Variants in PRKG1 observed in about 807,000 individuals in gnomAD.
PRKG1 encodes cGMP-dependent protein kinase 1.
Under a neutral mutation model 88.1 loss-of-function variants are expected in PRKG1, and 35 were observed. The ratio of observed to expected loss-of-function variants is 0.40; its 90% CI spans 0.30 to 0.53. The LOEUF (loss-of-function observed/expected upper bound fraction) is 0.53. PRKG1 is among the 20% of genes least tolerant of loss of function. The pLI, the probability that PRKG1 is intolerant of heterozygous loss-of-function variation, is 0.59. For synonymous variants in PRKG1, 303 were observed against 292.5 expected (o/e 1.04, Z -0.37); for missense variants, 540 against 839.8 (o/e 0.64, Z 4.41).
chr10:51,192,753 G>A (rs781496947), intron 2 of PRKG1, among the ~76,000 whole-genome samples: 4 of 151,990 alleles, frequency 2.6e-5, no homozygotes, highest in Admixed American at 6.6e-5. Flanking sequence ...AAAAATTGTG[G>A]TCTTGGAAAA....
chr10:52,060,146 G>T (rs143911375), intron 6 of PRKG1, among the ~76,000 whole-genome samples: 1 of 151,912 alleles, frequency 6.6e-6, no homozygotes, highest in East Asian at 1.9e-4. Flanking sequence ...TGATAATATG[G>T]AAACTTGATT....
chr10:52,259,451 T>C (rs1841383623), intron 10 of PRKG1, among the ~76,000 whole-genome samples: 1 of 152,128 alleles, frequency 6.6e-6, no homozygotes, highest in African/African-American at 2.4e-5. Flanking sequence ...TGAAATAATT[T>C]ATCTTGCTTT....
rs542522141 is a variant in PRKG1, at chr10:51,888,931, C to T, written c.699-18576C>T. On this transcript the variant is annotated intron_variant, in intron 4 of 17. Transcript: ENST00000373980. ...AGAGGTAAATTAACTTATTTAATGT[C>T]ACATAGTTACAAAGTAACGTGACTG... Among the ~76,000 whole-genome samples the T allele has an allele frequency of 1.6e-4, 24 of 152,216 alleles. 1 individual carries two copies. The South Asian group carries it at 2.1e-3, about 13-fold the overall frequency.
At chr10:51,637,500 A>T (rs1839686694) in intron 3 of PRKG1, among the ~76,000 whole-genome samples, 1 of 152,240 alleles carries the variant, frequency 6.6e-6, no homozygotes, top group East Asian at 1.9e-4. Flanking sequence ...TCACAATAAC[A>T]AAGATGTAGA....
At chr10:51,767,570 C>A (rs1366963265) in intron 3 of PRKG1, among the ~76,000 whole-genome samples, 2 of 152,130 alleles carry the variant, frequency 1.3e-5, no homozygotes, top group Non-Finnish European at 2.9e-5. Context: ...TCAGGACAGA[C>A]TGCTGCTCAC....
intron 3 of PRKG1, among the ~76,000 whole-genome samples, chr10:51,565,223 A>G (rs1164658549): frequency 6.6e-6 from 1 of 151,114 alleles, no homozygotes; most frequent in Non-Finnish European, 1.5e-5. Flanking sequence ...CTAAAACCCT[A>G]AAGGATTCAC....
chr10:51,399,487 TATTTGTC>T (rs1837674521), intron 2 of PRKG1, among the ~76,000 whole-genome samples: 1 of 152,178 alleles, frequency 6.6e-6, no homozygotes, highest in South Asian at 2.1e-4. Flanking sequence ...TTATAGGGAA[TATTTGTC>T]ATTTGGAGAA....
chr10:51,688,175 T>C (rs1841042652), intron 3 of PRKG1, among the ~76,000 whole-genome samples: 1 of 152,200 alleles, frequency 6.6e-6, no homozygotes, highest in Admixed American at 6.5e-5. Flanking sequence ...TTTTCAAACA[T>C]TTATTTGCAT....
intron 2 of PRKG1, among the ~76,000 whole-genome samples, chr10:51,374,833 G>A (rs1489181442): frequency 6.6e-6 from 1 of 152,220 alleles, no homozygotes; most frequent in African/African-American, 2.4e-5. Flanking sequence ...CTAAGCTCAC[G>A]TGAGTGTTGG....
At chr10:51,555,368 C>T (rs1837283732) in intron 3 of PRKG1, among the ~76,000 whole-genome samples, 1 of 151,646 alleles carries the variant, frequency 6.6e-6, no homozygotes, top group Non-Finnish European at 1.5e-5. Context: ...AATTTTATTG[C>T]TTGGGGATGC....
chr10:52,282,058 A>T, intron 13 of PRKG1, 95 bp from the exon 14 acceptor site: 1 of 1,214,386 alleles, frequency 8.2e-7, no homozygotes, highest in Non-Finnish European at 1.1e-6. Flanking sequence ...ACATGTTTTT[A>T]AATTATTATC....
In PRKG1 at chr10:51,283,904, C is replaced by G. The variant is rs976414799; in HGVS notation, c.478+130574C>G. 1.5e-4 allele frequency among the ~76,000 whole-genome samples: 23 copies of G among 152,238 alleles called. 1 individual carries two copies. Among genetic ancestry groups the G allele is most frequent in the African/African-American group, 4.3e-4 (18 of 41,538 alleles). On this transcript the variant is annotated intron_variant, in intron 2 of 17. Coordinates refer to ENST00000373980, the MANE Select transcript of PRKG1 (RefSeq NM_006258.4). Reference sequence around the variant, plus strand: ...AAATATTTATGCTATAAATGTGAATCTAACTGATTTTAAGTAGTCAATAAA... The same window carrying G: ...AAATATTTATGCTATAAATGTGAATGTAACTGATTTTAAGTAGTCAATAAA...
chr10:51,634,728 G>A (rs1839612927), intron 3 of PRKG1, among the ~76,000 whole-genome samples: 1 of 152,004 alleles, frequency 6.6e-6, no homozygotes, highest in Non-Finnish European at 1.5e-5. Context: ...AGAATACCTG[G>A]TAATTTCATG....
chr10:51,179,946 G>A (rs1837301578), intron 2 of PRKG1, among the ~76,000 whole-genome samples: 1 of 152,056 alleles, frequency 6.6e-6, no homozygotes, highest in Non-Finnish European at 1.5e-5. Context: ...AAGTTTTTAA[G>A]GACATTGCCT....
At chr10:51,546,737 C>T (rs1313862437) in intron 3 of PRKG1, among the ~76,000 whole-genome samples, 1 of 152,044 alleles carries the variant, frequency 6.6e-6, no homozygotes, top group Non-Finnish European at 1.5e-5. Flanking sequence ...ACAGAAATCT[C>T]ATCCTACTTA....
chr10:52,197,859 T>C (rs916485556), intron 9 of PRKG1, among the ~76,000 whole-genome samples: 8 of 152,206 alleles, frequency 5.3e-5, no homozygotes, highest in African/African-American at 1.7e-4. Flanking sequence ...ACAAAACTTC[T>C]TCCTGCTAGT....
intron 5 of PRKG1, among the ~76,000 whole-genome samples, chr10:52,039,220 AG>A (rs1845694729): frequency 6.6e-6 from 1 of 152,120 alleles, no homozygotes; most frequent in Non-Finnish European, 1.5e-5. Flanking sequence ...GAGTCGGTGA[AG>A]GGAGATAGGG....
intron 2 of PRKG1, among the ~76,000 whole-genome samples, chr10:51,241,035 A>G (rs755354392): frequency 6.6e-6 from 1 of 152,102 alleles, no homozygotes; most frequent in Non-Finnish European, 1.5e-5. Flanking sequence ...GGTGCTTACT[A>G]TGTGTTTATT....
At chr10:51,032,685 G>A (rs951063254) in intron 1 of PRKG1, among the ~76,000 whole-genome samples, 1 of 152,100 alleles carries the variant, frequency 6.6e-6, no homozygotes, top group Non-Finnish European at 1.5e-5. Flanking sequence ...CTTGAACCCG[G>A]GAGGCAGAGG....
Sources: gnomAD v4.1 joint callset for allele counts (sites outside exome capture counted in the v4.1 genomes callset) on GRCh38, gnomAD v4.1.1 for gene constraint, MANE v1.5 for transcripts, NCBI Gene and HGNC (gene_info 2026-07-23, HGNC 2026-07-21) for gene names.